RIC1: variants seen among roughly 807,000 people sequenced by gnomAD.
RIC1 encodes the protein RIC1 partner of RAB6A GEF complex.
Under a neutral mutation model 169.0 loss-of-function variants are expected in RIC1, and 88 were observed. That is an observed-to-expected ratio of 0.52 (90% CI 0.44 to 0.62). The LOEUF (loss-of-function observed/expected upper bound fraction) is 0.62, where lower values mean the gene tolerates loss of function less well. Ranked by LOEUF, RIC1 falls within the 20% of genes least tolerant of loss-of-function variation. The probability of loss-of-function intolerance (pLI) is 0.00; values close to 1 mark genes in which losing one functional copy is unlikely to be tolerated. For synonymous variants in RIC1, 790 were observed against 601.5 expected (o/e 1.31, Z -4.59); for missense variants, 1,877 against 1,725.5 (o/e 1.09, Z -1.56).
intron 15 of RIC1, among the ~76,000 whole-genome samples, 177 bp from the exon 16 acceptor site, chr9:5,756,035 G>C (rs13299243): frequency 2.7e-5 from 4 of 150,460 alleles, no homozygotes; most frequent in Non-Finnish European, 5.9e-5. Context: ...AATGAGCCTA[G>C]TCTGCAAAAA....
intron 1 of RIC1, among the ~76,000 whole-genome samples, chr9:5,654,668 T>C (rs887114338): frequency 3.9e-5 from 6 of 152,096 alleles, no homozygotes; most frequent in African/African-American, 2.4e-5. Flanking sequence ...GCCTCCTGAG[T>C]AGCTGGGATT....
chr9:5,721,443 C>G (rs1392546852), intron 6 of RIC1, among the ~76,000 whole-genome samples: 1 of 152,208 alleles, frequency 6.6e-6, no homozygotes, highest in Non-Finnish European at 1.5e-5. Context: ...CCCCAGCACA[C>G]ACGCGCGTGC....
intron 2 of RIC1, among the ~76,000 whole-genome samples, chr9:5,660,203 G>C (rs572896176): frequency 6.6e-6 from 1 of 152,164 alleles, no homozygotes. Flanking sequence ...TTTTGTGGCT[G>C]CATAGTATTC....
rs1157610481 is a variant in RIC1, at chr9:5,776,363, C to T, written c.*2117C>T. On this transcript the variant is annotated 3_prime_UTR_variant, in exon 26 of 26. Transcript: ENST00000414202. ...CAACTGTTTAAGCCATAATTTTAGC[C>T]AATGAATTTAAATATTCAGTATAAC... is the stretch of plus-strand genomic sequence containing the variant. 6.6e-6 allele frequency: 1 copy of T among 151,888 alleles called. No homozygotes were observed. The highest frequency in any genetic ancestry group is 1.9e-4 in the East Asian group (1 of 5,196). The allele number at this position is 151,888 out of a possible 1,614,324, so 9.4% of individuals were successfully genotyped here. A position where few individuals can be genotyped will look rare whatever the true frequency, so the allele number is the denominator to read the frequency against.
intron 17 of RIC1, among the ~76,000 whole-genome samples, chr9:5,759,997 G>T (rs552613118): frequency 6.6e-5 from 10 of 152,222 alleles, no homozygotes; most frequent in Non-Finnish European, 1.0e-4. Context: ...CTTTCACAAA[G>T]AGAAGGTGCT....
chr9:5,763,029 C>A lies in RIC1; in HGVS notation c.2113-111C>A. On this transcript the variant is annotated intron_variant, in intron 18 of 25. Transcript: ENST00000414202. The surrounding 1 kb of genome is among the most constrained non-coding windows in gnomAD (Gnocchi z 5.2). Reference sequence around the variant, plus strand: ...TCTAATTAGATCCCTTTGCTTTTCCCAAAAAAATATTATACTATCATTTGA... The same window carrying A: ...TCTAATTAGATCCCTTTGCTTTTCCAAAAAAAATATTATACTATCATTTGA... 7.5e-7 allele frequency: 1 copy of A among 1,341,538 alleles called. No individual in the cohort carries two copies. 83.1% of individuals were successfully genotyped at this position (1,341,538 alleles called of 1,614,324 possible).
intron 1 of RIC1, among the ~76,000 whole-genome samples, chr9:5,652,353 C>A (rs1041476523): frequency 6.6e-6 from 1 of 152,078 alleles, no homozygotes; most frequent in Non-Finnish European, 1.5e-5. Context: ...CATGGGATAT[C>A]TTTCCATGTA....
Position 5,734,017 on chromosome 9 carries a change from T to C in RIC1, c.812+1538T>C, listed in dbSNP as rs958823698. The stretch of plus-strand genomic sequence containing the variant: ...TGATTCAATTCAGTTTTTAAAAATA[T>C]ACATATATATAATGTATATATTTTA... On this transcript the variant is annotated intron_variant, in intron 7 of 25. Transcript: ENST00000414202. 9.5e-5 allele frequency among the ~76,000 whole-genome samples: 14 copies of C among 147,656 alleles called. No individual in the cohort carries two copies. In the East Asian group the frequency reaches 2.7e-3, roughly 29 times the overall value.
intron 4 of RIC1, among the ~76,000 whole-genome samples, chr9:5,717,894 A>G (rs1490401224): frequency 6.7e-6 from 1 of 148,960 alleles, no homozygotes; most frequent in Non-Finnish European, 1.5e-5. Context: ...TAATCCCAGC[A>G]CTTTGGAGGC....
intron 2 of RIC1, among the ~76,000 whole-genome samples, chr9:5,663,645 C>T (rs922390625): frequency 3.9e-5 from 6 of 152,196 alleles, no homozygotes; most frequent in Middle Eastern, 3.4e-3. Flanking sequence ...GTGGTTCTTT[C>T]TGTTTTCCAT....
intron 2 of RIC1, among the ~76,000 whole-genome samples, chr9:5,683,048 T>G (rs2130657803): frequency 6.6e-6 from 1 of 152,318 alleles, no homozygotes; most frequent in Non-Finnish European, 1.5e-5. Flanking sequence ...CATTGGTTAT[T>G]CTAGTTAGCC....
intron 2 of RIC1, among the ~76,000 whole-genome samples, chr9:5,665,630 G>A (rs539368755): frequency 6.6e-6 from 1 of 152,040 alleles, no homozygotes; most frequent in Non-Finnish European, 1.5e-5. Flanking sequence ...TTTTTGTAGG[G>A]TCTTTTTTGT....
intron 17 of RIC1, 35 bp downstream of exon 17, chr9:5,757,486 C>T (rs1401059835): frequency 8.1e-6 from 13 of 1,609,296 alleles, no homozygotes; most frequent in South Asian, 2.2e-5. Flanking sequence ...TTGGAGTTTA[C>T]ATTTCTGTTT....
intron 23 of RIC1, 74 bp downstream of exon 23, chr9:5,770,352 G>A: frequency 8.1e-7 from 1 of 1,236,442 alleles, no homozygotes; most frequent in Non-Finnish European, 1.1e-6. Context: ...TTCAGAGATA[G>A]ACCTTCATTC....
At chr9:5,731,373 A>T (rs950245906) in intron 6 of RIC1, among the ~76,000 whole-genome samples, 1 of 152,150 alleles carries the variant, frequency 6.6e-6, no homozygotes, top group African/African-American at 2.4e-5. Flanking sequence ...ATTAAAAGAT[A>T]CAATTCCTAC....
intron 1 of RIC1, among the ~76,000 whole-genome samples, chr9:5,648,303 ATGGCCTTTTTATTATCTTGAGATAGTT>A (rs1818632927): frequency 6.6e-6 from 1 of 151,900 alleles, no homozygotes; most frequent in Non-Finnish European, 1.5e-5. Flanking sequence ...TTTTTTATAT[ATGGCCTTTTTATTATCTTGAGATAGTT>A]TGCTTCTATT....
At chr9:5,710,993 A>G (rs1822897236) in intron 3 of RIC1, among the ~76,000 whole-genome samples, 1 of 152,202 alleles carries the variant, frequency 6.6e-6, no homozygotes, top group African/African-American at 2.4e-5. Flanking sequence ...GCTTATTATT[A>G]TATTAAGGAA....
chr9:5,761,325 G>A (rs1454569099), intron 17 of RIC1, among the ~76,000 whole-genome samples: 1 of 151,604 alleles, frequency 6.6e-6, no homozygotes, highest in Non-Finnish European at 1.5e-5. Context: ...TTTTGGCCAG[G>A]TTGGTCTTGA....
chr9:5,639,808 G>T (rs1264428909), intron 1 of RIC1, among the ~76,000 whole-genome samples: 1 of 152,154 alleles, frequency 6.6e-6, no homozygotes, highest in East Asian at 1.9e-4. Context: ...TTGCTGGATT[G>T]ACTCTTTTCT....
Sources: allele counts gnomAD v4.1 joint callset (sites outside exome capture counted in the v4.1 genomes callset), GRCh38; gene constraint gnomAD v4.1.1; non-coding constraint Gnocchi (gnomAD v3.1); transcripts MANE v1.5; gene names NCBI Gene and HGNC (gene_info 2026-07-23, HGNC 2026-07-21).